SKAP1: variants seen among roughly 807,000 people sequenced by gnomAD.
SKAP1 encodes src kinase associated phosphoprotein 1, also known as src kinase-associated phosphoprotein 1.
In SKAP1, 44 loss-of-function variants were observed where a neutral mutation model predicts 58.5. The observed-to-expected ratio is 0.75, with a 90% CI of 0.59 to 0.97. The LOEUF (loss-of-function observed/expected upper bound fraction) is 0.97. SKAP1 is among the 50% of genes least tolerant of loss of function. SKAP1 has a pLI of 0.00. For synonymous variants in SKAP1, 127 were observed against 149.7 expected (o/e 0.85, Z 1.11); for missense variants, 390 against 435.2 (o/e 0.90, Z 0.92).
At chr17:48,156,573 C>A in intron 11 of SKAP1, 2 of 423,664 alleles carry the variant, frequency 4.7e-6, no homozygotes, top group South Asian at 3.6e-5. Flanking sequence ...AAAAGGAACA[C>A]AGGAACATCC....
chr17:48,206,295 G>A (rs2064809314), intron 4 of SKAP1, among the ~76,000 whole-genome samples: 1 of 152,128 alleles, frequency 6.6e-6, no homozygotes, highest in Non-Finnish European at 1.5e-5. Flanking sequence ...TAGGTAAAGA[G>A]ATGCATAGGG....
In SKAP1 at chr17:48,180,293, A is replaced by C. The variant is rs774775955; in HGVS notation, c.632-45T>G. The C allele has an allele frequency of 1.9e-5, 27 of 1,410,742 alleles. No individual in the cohort carries two copies. In the East Asian group the frequency reaches 6.4e-4, roughly 34 times the overall value. 87.4% of individuals were successfully genotyped at this position (1,410,742 alleles called of 1,614,324 possible). ...AATGAATCAAGAAACAGAGAAAAAGAAAATAAGACAGGAAAGGAAAGAGGG... is the reference window on the plus strand; with the variant it reads ...AATGAATCAAGAAACAGAGAAAAAGCAAATAAGACAGGAAAGGAAAGAGGG... On this transcript the variant is annotated intron_variant, in intron 8 of 12. Transcript: ENST00000336915.
intron 4 of SKAP1, among the ~76,000 whole-genome samples, chr17:48,223,717 T>A (rs2065031150): frequency 6.6e-6 from 1 of 152,088 alleles, no homozygotes; most frequent in Non-Finnish European, 1.5e-5. Flanking sequence ...AACCAGTTTT[T>A]ATGAGCTCAT....
chr17:48,274,080 T>C (rs2065667667), intron 4 of SKAP1, among the ~76,000 whole-genome samples: 1 of 152,118 alleles, frequency 6.6e-6, no homozygotes, highest in Admixed American at 6.5e-5. Context: ...TACACCACCA[T>C]GCCTGGCTAA....
intron 4 of SKAP1, among the ~76,000 whole-genome samples, chr17:48,264,745 A>AAAACACACAC (rs1555609824): frequency 3.5e-5 from 5 of 142,752 alleles, no homozygotes; most frequent in Non-Finnish European, 6.1e-5. Flanking sequence ...AAATCTACAA[A>AAAACACACAC]ACACACACAC....
chr17:48,238,544 C>T (rs1425052296), intron 4 of SKAP1, among the ~76,000 whole-genome samples: 4 of 151,794 alleles, frequency 2.6e-5, no homozygotes, highest in African/African-American at 4.8e-5. Context: ...GGACCACAGG[C>T]GTGTGCCACC....
chr17:48,152,699 A>T (rs2063916391), intron 11 of SKAP1, among the ~76,000 whole-genome samples: 1 of 152,208 alleles, frequency 6.6e-6, no homozygotes, highest in South Asian at 2.1e-4. Context: ...AGTTTTAAAG[A>T]TTTATGTGGT....
At chr17:48,429,951 G>C (rs1181665955) in intron 1 of SKAP1, 124 bp downstream of exon 1, 1 of 796,856 alleles carries the variant, frequency 1.3e-6, no homozygotes, top group African/African-American at 1.8e-5. Context: ...GAGGGCTCTA[G>C]AAGCCTTAAG....
chr17:48,364,731 G>A (rs547763191), intron 2 of SKAP1, among the ~76,000 whole-genome samples: 3 of 152,184 alleles, frequency 2.0e-5, no homozygotes, highest in African/African-American at 7.2e-5. Context: ...TTGACTTAAG[G>A]TTGTCTAACG....
intron 1 of SKAP1, among the ~76,000 whole-genome samples, chr17:48,397,287 G>T (rs550925617): frequency 7.2e-5 from 11 of 152,134 alleles, no homozygotes; most frequent in African/African-American, 2.7e-4. Flanking sequence ...GTGCAGTGGC[G>T]TCATCTTGGC....
chr17:48,386,912 G>T (rs922407263), intron 2 of SKAP1, among the ~76,000 whole-genome samples: 3 of 152,222 alleles, frequency 2.0e-5, no homozygotes, highest in African/African-American at 7.2e-5. Context: ...ACAAGAGACT[G>T]AGAACAGCAA....
intron 1 of SKAP1, among the ~76,000 whole-genome samples, chr17:48,426,218 A>G (rs952958695): frequency 6.6e-6 from 1 of 152,254 alleles, no homozygotes; most frequent in African/African-American, 2.4e-5. Flanking sequence ...CTGCTTCTTT[A>G]CAAGGAAGTT....
At position 48,268,395 on chromosome 17, in the gene SKAP1, G is replaced by A. The variant is rs1471713337; in HGVS notation, c.280+77510C>T. On this transcript the variant is annotated intron_variant, in intron 4 of 12. Coordinates refer to ENST00000336915, the MANE Select transcript of SKAP1 (RefSeq NM_003726.4). ...AAACCCTTGAGTTACCACCTATAAT[G>A]TGTATTCATTGCTGTCATATCTGAC... 2.0e-5 allele frequency among the ~76,000 whole-genome samples: 3 copies of A among 152,144 alleles called. No homozygotes were observed. In the East Asian group the frequency reaches 5.8e-4, roughly 29 times the overall value.
chr17:48,421,210 C>A lies in SKAP1; in HGVS notation c.46+8865G>T, dbSNP rs1416553936. Among the ~76,000 whole-genome samples, 3 of 150,790 alleles carry A rather than the reference C, an allele frequency of 2.0e-5. No homozygotes were observed. The South Asian group carries it at 6.3e-4, about 32-fold the overall frequency. ...TCTACCACGTTTTTTTAAATTTTAG[C>A]AAACAAAAGGGAGGAGAATAGACCT... On this transcript the variant is annotated intron_variant, in intron 1 of 12. Coordinates refer to ENST00000336915, the MANE Select transcript of SKAP1 (RefSeq NM_003726.4).
At chr17:48,273,136 T>C (rs1419968284) in intron 4 of SKAP1, among the ~76,000 whole-genome samples, 1 of 152,182 alleles carries the variant, frequency 6.6e-6, no homozygotes, top group Admixed American at 6.5e-5. Context: ...TTCACTTTCC[T>C]GCCTAATCAG....
chr17:48,310,096 G>A (rs2066203090), intron 4 of SKAP1, among the ~76,000 whole-genome samples: 1 of 152,166 alleles, frequency 6.6e-6, no homozygotes, highest in Non-Finnish European at 1.5e-5. Flanking sequence ...AGCAGTTTTT[G>A]CTGCATGCAC....
chr17:48,322,955 G>T (rs1484078097), intron 4 of SKAP1, among the ~76,000 whole-genome samples: 2 of 151,954 alleles, frequency 1.3e-5, no homozygotes, highest in South Asian at 2.1e-4. Context: ...AATTAGCCAG[G>T]CGTGGTGGCA....
chr17:48,285,259 T>TGTA (rs1256670984), intron 4 of SKAP1, among the ~76,000 whole-genome samples: 1 of 152,216 alleles, frequency 6.6e-6, no homozygotes, highest in Non-Finnish European at 1.5e-5. Context: ...GAAAGCTTAC[T>TGTA]TATACCTCCT....
intron 2 of SKAP1, among the ~76,000 whole-genome samples, chr17:48,365,934 T>C (rs1221382608): frequency 6.6e-6 from 1 of 152,022 alleles, no homozygotes; most frequent in African/African-American, 2.4e-5. Context: ...TTTCCACTTA[T>C]CACTAGAGGT....
Sources: gnomAD v4.1 joint callset for allele counts (sites outside exome capture counted in the v4.1 genomes callset) on GRCh38, gnomAD v4.1.1 for gene constraint, MANE v1.5 for transcripts, NCBI Gene and HGNC (gene_info 2026-07-23, HGNC 2026-07-21) for gene names.